PRPF3: variants seen among roughly 807,000 people sequenced by gnomAD.
PRPF3 encodes the protein U4/U6 small nuclear ribonucleoprotein Prp3.
PRPF3 carries 3 observed loss-of-function variants against 89.2 expected under a neutral mutation model. That is an observed-to-expected ratio of 0.03 (90% CI 0.02 to 0.09). The LOEUF is 0.09. PRPF3 is among the 10% of genes least tolerant of loss of function. The pLI is 1.00. For missense variants in PRPF3, 463 were observed against 828.8 expected (o/e 0.56, Z 5.42); for synonymous variants, 270 against 289.1 (o/e 0.93, Z 0.67).
At chr1:150,350,463 G>A (rs1658812709) in intron 15 of PRPF3, among the ~76,000 whole-genome samples, 1 of 152,124 alleles carries the variant, frequency 6.6e-6, no homozygotes, top group Non-Finnish European at 1.5e-5. Context: ...CTCCCAAAGT[G>A]CTGGGATTAC....
intron 1 of PRPF3, among the ~76,000 whole-genome samples, chr1:150,324,475 G>A (rs1386717565): frequency 6.6e-6 from 1 of 151,976 alleles, no homozygotes; most frequent in Non-Finnish European, 1.5e-5. Context: ...AAATGAGTTG[G>A]AAAAACTTGT....
chr1:150,325,347 A>G (rs1425809531), intron 2 of PRPF3, among the ~76,000 whole-genome samples: 1 of 152,212 alleles, frequency 6.6e-6, no homozygotes, highest in Non-Finnish European at 1.5e-5. Flanking sequence ...TTACTTAGGA[A>G]GTATGCTTAA....
At chr1:150,333,285 C>T (rs1409210472) in intron 6 of PRPF3, 86 bp downstream of exon 6, 29 of 1,423,378 alleles carry the variant, frequency 2.0e-5, no homozygotes, top group South Asian at 1.8e-4. Flanking sequence ...TCTGGCTGGG[C>T]GCAGTGCCTC....
intron 1 of PRPF3, among the ~76,000 whole-genome samples, chr1:150,322,872 A>T (rs1655214072): frequency 1.2e-5 from 1 of 85,032 alleles, no homozygotes; most frequent in African/African-American, 5.0e-5. Context: ...TCCCATTTAG[A>T]CACCTTTTTT....
At chr1:150,339,077 C>A (rs1181392483) in intron 8 of PRPF3, among the ~76,000 whole-genome samples, 1 of 151,708 alleles carries the variant, frequency 6.6e-6, no homozygotes. Flanking sequence ...GTAAATATAG[C>A]ATATAAGGCT....
At chr1:150,324,027 C>T (rs1012228614) in intron 1 of PRPF3, among the ~76,000 whole-genome samples, 1 of 151,998 alleles carries the variant, frequency 6.6e-6, no homozygotes, top group African/African-American at 2.4e-5. Flanking sequence ...GATCCACCTG[C>T]CTCAGCCTCC....
chr1:150,349,064 T>C, intron 14 of PRPF3, 93 bp from the exon 15 acceptor site: 1 of 1,027,102 alleles, frequency 9.7e-7, no homozygotes, highest in Non-Finnish European at 1.5e-6. Flanking sequence ...ATAAAAAGGG[T>C]GATAATATTT....
At chr1:150,322,580 C>T (rs2101933782) in intron 1 of PRPF3, among the ~76,000 whole-genome samples, 1 of 152,284 alleles carries the variant, frequency 6.6e-6, no homozygotes, top group East Asian at 1.9e-4. Context: ...CATAGAATTA[C>T]TCACGTAACT....
At chr1:150,325,191 C>T (rs1162106750) in intron 2 of PRPF3, 104 bp downstream of exon 2, 2 of 1,380,728 alleles carry the variant, frequency 1.4e-6, no homozygotes, top group Non-Finnish European at 2.0e-6. Context: ...AAAAAAATGG[C>T]AGGCCATATT....
intron 14 of PRPF3, chr1:150,348,863 C>T (rs1214415468): frequency 2.5e-6 from 1 of 402,328 alleles, no homozygotes; most frequent in African/African-American, 2.0e-5. Flanking sequence ...CCCAAAGTGC[C>T]TAGGACAAGT....
In PRPF3 at chr1:150,346,511, G is replaced by A. The variant is rs782508260; in HGVS notation, c.1843+20G>A. Reference sequence around the variant, plus strand: ...GAGATGGTGAATGGGGGTTAGAGGGGATTAAGGGGGAGAGCTATGGGAGGT... The same window carrying A: ...GAGATGGTGAATGGGGGTTAGAGGGAATTAAGGGGGAGAGCTATGGGAGGT... On this transcript the variant is annotated intron_variant, in intron 14 of 15. Coordinates refer to ENST00000324862, the MANE Select transcript of PRPF3 (RefSeq NM_004698.4). The A allele has an allele frequency of 4.4e-6, 7 of 1,592,208 alleles. No homozygotes were observed. The highest frequency in any genetic ancestry group is 2.7e-5 in the African/African-American group (2 of 74,446).
chr1:150,331,975 A>G (rs1271316400), intron 4 of PRPF3, among the ~76,000 whole-genome samples: 1 of 152,144 alleles, frequency 6.6e-6, no homozygotes, highest in African/African-American at 2.4e-5. Flanking sequence ...CTGTAATCCC[A>G]GCACTTTGAG....
intron 12 of PRPF3, 53 bp downstream of exon 12, chr1:150,344,600 C>T: frequency 1.3e-6 from 2 of 1,580,908 alleles, no homozygotes; most frequent in Non-Finnish European, 1.7e-6. Context: ...AAACATTTTC[C>T]AAGTGCTTGA....
At chr1:150,323,592 G>T (rs144675472) in intron 1 of PRPF3, among the ~76,000 whole-genome samples, 1 of 149,058 alleles carries the variant, frequency 6.7e-6, no homozygotes, top group African/African-American at 2.5e-5. Context: ...CCAAGATTAC[G>T]CCACTGCACT....
At chr1:150,341,949 C>T (rs1460014145) in intron 9 of PRPF3, among the ~76,000 whole-genome samples, 2 of 151,546 alleles carry the variant, frequency 1.3e-5, no homozygotes. Context: ...AGTGATCTGC[C>T]CACCTAGGCT....
intron 6 of PRPF3, 125 bp from the exon 7 acceptor site, chr1:150,334,810 C>A: frequency 1.8e-6 from 2 of 1,114,872 alleles, no homozygotes; most frequent in Non-Finnish European, 2.6e-6. Context: ...CTCAAGTGAT[C>A]CCTCTGCCTT....
chr1:150,342,742 C>T (rs1553871669), intron 9 of PRPF3, among the ~76,000 whole-genome samples: 2 of 151,766 alleles, frequency 1.3e-5, no homozygotes, highest in East Asian at 3.9e-4. Context: ...AGGCTGGTCT[C>T]GATCTCTTGA....
At chr1:150,346,580 C>A in intron 14 of PRPF3, 89 bp downstream of exon 14, 1 of 1,324,590 alleles carries the variant, frequency 7.5e-7, no homozygotes, top group Non-Finnish European at 1.1e-6. Flanking sequence ...CTCCCTGTGA[C>A]ACTCTTGATA....
rs587720120 is a variant in PRPF3, at chr1:150,346,610, A to C, written c.1843+119A>C. The C allele has an allele frequency of 2.1e-5, 22 of 1,051,294 alleles. No homozygotes were observed. In the African/African-American group the frequency reaches 3.3e-4, roughly 16 times the overall value. The allele number at this position is 1,051,294 out of a possible 1,614,324, so 65.1% of individuals were successfully genotyped here. On this transcript the variant is annotated intron_variant, in intron 14 of 15. Coordinates refer to ENST00000324862, the MANE Select transcript of PRPF3 (RefSeq NM_004698.4). Reference sequence around the variant, plus strand: ...TTGATAACACTAGATAGTGTTCAGGAATTTTAGAAAGACCCGTTTAGACTT... The same window carrying C: ...TTGATAACACTAGATAGTGTTCAGGCATTTTAGAAAGACCCGTTTAGACTT...
Sources: allele counts gnomAD v4.1 joint callset (sites outside exome capture counted in the v4.1 genomes callset), GRCh38; gene constraint gnomAD v4.1.1; transcripts MANE v1.5; gene names NCBI Gene and HGNC (gene_info 2026-07-23, HGNC 2026-07-21).